MSI2: variants seen among roughly 807,000 people sequenced by gnomAD.
MSI2 encodes the protein musashi RNA binding protein 2, also known as RNA-binding protein Musashi homolog 2.
A neutral mutation model predicts 45.6 loss-of-function variants in MSI2; 17 were observed. That is an observed-to-expected ratio of 0.37 (90% CI 0.26 to 0.56). MSI2 has a LOEUF of 0.56. MSI2 is among the 20% of genes least tolerant of loss of function. The probability of loss-of-function intolerance (pLI) is 0.77; values close to 1 mark genes in which losing one functional copy is unlikely to be tolerated. For missense variants in MSI2, 293 were observed against 444.2 expected, an observed-to-expected ratio of 0.66 and a Z score of 3.06; for synonymous variants, 156 against 158.2, an observed-to-expected ratio of 0.99 and a Z score of 0.11.
chr17:57,659,810 G>A (rs895774113), intron 11 of MSI2, among the ~76,000 whole-genome samples: 8 of 152,204 alleles, frequency 5.3e-5, no homozygotes, highest in Non-Finnish European at 7.3e-5. Context: ...TAGGCCAAGC[G>A]CTCAGTCTCT....
intron 6 of MSI2, among the ~76,000 whole-genome samples, chr17:57,443,831 G>A (rs558204150): frequency 1.3e-5 from 2 of 152,116 alleles, no homozygotes; most frequent in Non-Finnish European, 2.9e-5. Flanking sequence ...TTGAGGACAG[G>A]GTGAGCACCC....
chr17:57,270,758 A>G (rs931790740), intron 5 of MSI2, among the ~76,000 whole-genome samples: 3 of 152,282 alleles, frequency 2.0e-5, no homozygotes, highest in South Asian at 2.1e-4. Flanking sequence ...AGCATTCATC[A>G]TCTGTTACTG....
intron 5 of MSI2, among the ~76,000 whole-genome samples, chr17:57,383,727 C>A (rs1231982392): frequency 1.3e-5 from 2 of 152,196 alleles, no homozygotes; most frequent in Non-Finnish European, 2.9e-5. Context: ...AGACTCCTGC[C>A]TTTCTAAAGG....
chr17:57,496,253 C>T lies in MSI2; in HGVS notation c.406-33423C>T, dbSNP rs146187578. Among the ~76,000 whole-genome samples the T allele has an allele frequency of 1.7e-3, 261 of 152,324 alleles. 1 individual carries two copies. The highest frequency in any genetic ancestry group is 4.1e-3 in the South Asian group (20 of 4,824). On this transcript the variant is annotated intron_variant, in intron 6 of 13. Transcript: ENST00000284073. ...TTCCCACCCCTTACACTTAGCGCCACGCCAGCCGTGTGCCCTACAGAGCCA... is the reference window on the plus strand; with the variant it reads ...TTCCCACCCCTTACACTTAGCGCCATGCCAGCCGTGTGCCCTACAGAGCCA...
At chr17:57,514,937 C>T (rs1272777857) in intron 6 of MSI2, among the ~76,000 whole-genome samples, 1 of 152,166 alleles carries the variant, frequency 6.6e-6, no homozygotes, top group Non-Finnish European at 1.5e-5. Context: ...TATGGGCCAA[C>T]TGAAATGTCA....
chr17:57,579,635 C>G (rs1385343939), intron 7 of MSI2, among the ~76,000 whole-genome samples: 1 of 152,204 alleles, frequency 6.6e-6, no homozygotes, highest in East Asian at 1.9e-4. Flanking sequence ...GAGCAGCCGC[C>G]CCTTGGAGGC....
intron 9 of MSI2, 169 bp downstream of exon 9, chr17:57,616,253 TTAAG>T (rs1246245771): frequency 1.7e-6 from 1 of 586,068 alleles, no homozygotes; most frequent in Non-Finnish European, 3.0e-6. Context: ...GTTGTGATGA[TTAAG>T]TGTGGGTGTG....
chr17:57,699,182 A>AGTGTGT, the MSI2 span, among the ~76,000 whole-genome samples: 1 of 25,080 alleles, frequency 4.0e-5, no homozygotes, highest in Non-Finnish European at 6.2e-5. Context: ...AGAGAGAGAG[A>AGTGTGT]GTGTGTGTGT....
intron 8 of MSI2, among the ~76,000 whole-genome samples, chr17:57,600,626 G>T: frequency 6.6e-6 from 1 of 152,148 alleles, no homozygotes; most frequent in East Asian, 1.9e-4. Context: ...GAGAAGGCGT[G>T]AGTCATTCTA....
intron 5 of MSI2, among the ~76,000 whole-genome samples, chr17:57,377,159 A>G (rs572960767): frequency 1.4e-4 from 22 of 152,116 alleles, no homozygotes; most frequent in Non-Finnish European, 2.2e-4. Flanking sequence ...TGACCTTGTG[A>G]TCTGCCCACC....
At chr17:57,391,366 C>T (rs916776316) in intron 5 of MSI2, among the ~76,000 whole-genome samples, 1 of 152,138 alleles carries the variant, frequency 6.6e-6, no homozygotes, top group African/African-American at 2.4e-5. Flanking sequence ...TTTTATAGAA[C>T]GGAGAACGTG....
At chr17:57,281,836 C>T (rs886689391) in intron 5 of MSI2, among the ~76,000 whole-genome samples, 3 of 152,092 alleles carry the variant, frequency 2.0e-5, no homozygotes, top group Non-Finnish European at 2.9e-5. Flanking sequence ...AGTCCTGCTC[C>T]GTGGGATAAC....
chr17:57,447,454 G>C (rs1232339894), intron 6 of MSI2, among the ~76,000 whole-genome samples: 1 of 152,102 alleles, frequency 6.6e-6, no homozygotes, highest in Non-Finnish European at 1.5e-5. Context: ...CCCCTGGATA[G>C]GGGGGACCAG....
Position 57,669,862 on chromosome 17 carries a change from T to G in MSI2, c.791-5110T>G, listed in dbSNP as rs188263152. 3.6e-3 allele frequency among the ~76,000 whole-genome samples: 554 copies of G among 152,214 alleles called. 3 individuals are homozygous for G. The highest frequency in any genetic ancestry group is 0.013 in the African/African-American group (539 of 41,516). On this transcript the variant is annotated intron_variant, in intron 11 of 13. Transcript: ENST00000284073. ...CGCACAGGCTGGGCAGGGAAGAGTC[T>G]CTCTCCCGGAAATGTACCAGGGGCC...
At chr17:57,620,499 G>A (rs542968590) in intron 9 of MSI2, among the ~76,000 whole-genome samples, 31 of 152,312 alleles carry the variant, frequency 2.0e-4, no homozygotes, top group Middle Eastern at 3.4e-3. Context: ...GCAAGGTATC[G>A]TAGCATGTAC....
At chr17:57,584,931 A>G (rs1423001648) in intron 7 of MSI2, among the ~76,000 whole-genome samples, 1 of 151,462 alleles carries the variant, frequency 6.6e-6, no homozygotes, top group South Asian at 2.1e-4. Context: ...AAGTGATTCT[A>G]CTCAGCCTCC....
At chr17:57,690,253 G>A in the MSI2 span, among the ~76,000 whole-genome samples, 5 of 148,604 alleles carry the variant, frequency 3.4e-5, no homozygotes, top group Admixed American at 3.4e-4. Flanking sequence ...GCATCTTTTT[G>A]CATGTTATCA....
chr17:57,403,134 C>T (rs951472024), intron 6 of MSI2, among the ~76,000 whole-genome samples: 1 of 152,176 alleles, frequency 6.6e-6, no homozygotes, highest in Non-Finnish European at 1.5e-5. Context: ...GAGCCATAAC[C>T]TGCCTTGGAA....
chr17:57,468,467 G>A (rs2143667364), intron 6 of MSI2, among the ~76,000 whole-genome samples: 1 of 144,042 alleles, frequency 6.9e-6, no homozygotes, highest in East Asian at 2.1e-4. Flanking sequence ...CTTGCAGTGA[G>A]CCAAGATTGC....
Sources: gnomAD v4.1 joint callset for allele counts (sites outside exome capture counted in the v4.1 genomes callset) on GRCh38, gnomAD v4.1.1 for gene constraint, MANE v1.5 for transcripts, NCBI Gene and HGNC (gene_info 2026-07-23, HGNC 2026-07-21) for gene names.